The following DRC11 variants were observed in gnomAD, a reference collection of about 807,000 sequenced individuals.
DRC11 encodes the protein dynein regulatory complex subunit 11.
the DRC11 span, chr2:236,503,812 C>A: frequency 2.1e-6 from 2 of 960,844 alleles, no homozygotes; most frequent in Non-Finnish European, 1.6e-6. This position sits in a 1 kb window ranked among gnomAD's most constrained non-coding sequence, Gnocchi z 4.9. Flanking sequence ...CCTGGGGAGC[C>A]CCCACTTTGC....
chr2:236,403,705 T>C, the DRC11 span, among the ~76,000 whole-genome samples: 1 of 152,146 alleles, frequency 6.6e-6, no homozygotes, highest in Admixed American at 6.5e-5. Context: ...TGTGGCCTTA[T>C]CTTGATTTTT....
chr2:236,328,293 G>A, the DRC11 span, among the ~76,000 whole-genome samples: 1 of 151,872 alleles, frequency 6.6e-6, no homozygotes, highest in Non-Finnish European at 1.5e-5. This position sits in a 1 kb window ranked among gnomAD's most constrained non-coding sequence, Gnocchi z 6.7. Context: ...GACTTCAGGG[G>A]TTTTAATGAT....
the DRC11 span, chr2:236,368,193 C>T: frequency 6.3e-7 from 1 of 1,591,042 alleles, no homozygotes; most frequent in Non-Finnish European, 8.6e-7. Context: ...CGAGTCTTTA[C>T]CTAATGGCCA....
chr2:236,497,557 C>T, the DRC11 span: 2 of 1,128,892 alleles, frequency 1.8e-6, no homozygotes, highest in Non-Finnish European at 2.5e-6. This position sits in a 1 kb window ranked among gnomAD's most constrained non-coding sequence, Gnocchi z 5.1. Context: ...AACATCGGGC[C>T]TCTGGTATAG....
chr2:236,369,726 G>C, the DRC11 span, among the ~76,000 whole-genome samples: 1 of 152,238 alleles, frequency 6.6e-6, no homozygotes, highest in African/African-American at 2.4e-5. This position sits in a 1 kb window ranked among gnomAD's most constrained non-coding sequence, Gnocchi z 4.5. Context: ...GCCAAGGTCT[G>C]AGACTCGCAC....
the DRC11 span, among the ~76,000 whole-genome samples, chr2:236,499,005 T>G: frequency 6.6e-6 from 1 of 152,092 alleles, no homozygotes; most frequent in South Asian, 2.1e-4. The surrounding 1 kb of genome is among the most constrained non-coding windows in gnomAD (Gnocchi z 4.7). Context: ...AATGTCAGTA[T>G]CTCTCTGTAA....
chr2:236,442,258 C>CACAGCTTTG, the DRC11 span, among the ~76,000 whole-genome samples: 1 of 152,066 alleles, frequency 6.6e-6, no homozygotes, highest in Non-Finnish European at 1.5e-5. Context: ...AGAAGAGTGT[C>CACAGCTTTG]ACAGCTTTGC....
the DRC11 span, chr2:236,380,608 T>C: frequency 1.3e-6 from 2 of 1,551,534 alleles, no homozygotes; most frequent in South Asian, 1.2e-5. The surrounding 1 kb of genome is among the most constrained non-coding windows in gnomAD (Gnocchi z 4.9). Flanking sequence ...TGCCTTCTTC[T>C]CTTTCTTTTT....
chr2:236,438,448 A>G, the DRC11 span, among the ~76,000 whole-genome samples: 10 of 149,738 alleles, frequency 6.7e-5, no homozygotes, highest in East Asian at 1.7e-3. Context: ...TTCCATATGA[A>G]CTTTAAAGTA....
At chr2:236,410,033 G>C in the DRC11 span, among the ~76,000 whole-genome samples, 1 of 151,888 alleles carries the variant, frequency 6.6e-6, no homozygotes, top group Admixed American at 6.6e-5. Flanking sequence ...GAGGATTTTT[G>C]CATCAATGTT....
the DRC11 span, among the ~76,000 whole-genome samples, chr2:236,312,057 A>G: frequency 6.6e-6 from 1 of 152,124 alleles, no homozygotes; most frequent in African/African-American, 2.4e-5. Flanking sequence ...TGATTCCTTA[A>G]AACTCACATT....
chr2:236,499,684 C>A, the DRC11 span, among the ~76,000 whole-genome samples: 167 of 152,288 alleles, frequency 1.1e-3, 1 homozygote, highest in African/African-American at 3.8e-3. The surrounding 1 kb of genome is among the most constrained non-coding windows in gnomAD (Gnocchi z 4.7). Context: ...CCTGTCCTGG[C>A]CTCCCAAAGT....
the DRC11 span, among the ~76,000 whole-genome samples, chr2:236,314,438 A>G: frequency 6.6e-6 from 1 of 152,224 alleles, no homozygotes; most frequent in South Asian, 2.1e-4. The surrounding 1 kb of genome is among the most constrained non-coding windows in gnomAD (Gnocchi z 4.5). Flanking sequence ...ACTTCTAGTC[A>G]ACATCATAAC....
chr2:236,480,407 T>C, the DRC11 span, among the ~76,000 whole-genome samples: 1 of 152,172 alleles, frequency 6.6e-6, no homozygotes, highest in Non-Finnish European at 1.5e-5. Flanking sequence ...ATATTGTAGG[T>C]ATTCTTCATT....
chr2:236,370,467 C>A, the DRC11 span, among the ~76,000 whole-genome samples: 1 of 152,066 alleles, frequency 6.6e-6, no homozygotes, highest in Non-Finnish European at 1.5e-5. The surrounding 1 kb of genome is among the most constrained non-coding windows in gnomAD (Gnocchi z 5.5). Context: ...AGAGACCGGT[C>A]AGTGGTCCCT....
the DRC11 span, among the ~76,000 whole-genome samples, chr2:236,338,712 T>C: frequency 6.6e-6 from 1 of 152,310 alleles, no homozygotes; most frequent in African/African-American, 2.4e-5. Flanking sequence ...TAATGAGCTG[T>C]GGTGCTCCCA....
chr2:236,494,801 G>A, the DRC11 span, among the ~76,000 whole-genome samples: 1 of 152,132 alleles, frequency 6.6e-6, no homozygotes, highest in African/African-American at 2.4e-5. The surrounding 1 kb of genome is among the most constrained non-coding windows in gnomAD (Gnocchi z 4.2). Context: ...TCTGGGAGGT[G>A]ACAATGTCTT....
the DRC11 span, among the ~76,000 whole-genome samples, chr2:236,335,661 C>T: frequency 6.6e-6 from 1 of 152,132 alleles, no homozygotes. The surrounding 1 kb of genome is among the most constrained non-coding windows in gnomAD (Gnocchi z 5.6). Context: ...CAATAGAAAC[C>T]ATTCTGTCCA....
the DRC11 span, chr2:236,507,129 G>T: frequency 1.2e-6 from 1 of 866,116 alleles, no homozygotes; most frequent in South Asian, 1.5e-5. Context: ...AAAAAGTGGG[G>T]GAGAGGAGGG....
Sources: allele counts gnomAD v4.1 joint callset (sites outside exome capture counted in the v4.1 genomes callset), GRCh38; gene constraint gnomAD v4.1.1; non-coding constraint Gnocchi (gnomAD v3.1); transcripts MANE v1.5; gene names NCBI Gene and HGNC (gene_info 2026-07-23, HGNC 2026-07-21).